The following ROBO2 variants were observed in gnomAD, a reference collection of about 807,000 sequenced individuals.
ROBO2 encodes roundabout guidance receptor 2.
Under a neutral mutation model 160.8 loss-of-function variants are expected in ROBO2, and 53 were observed. The observed-to-expected ratio is 0.33, with a 90% CI of 0.26 to 0.41. ROBO2 has a LOEUF of 0.41. ROBO2 is among the 10% of genes least tolerant of loss of function. The pLI is 1.00. For synonymous variants in ROBO2, 664 were observed against 611.7 expected (o/e 1.09, Z -1.26); for missense variants, 1,577 against 1,722.4 (o/e 0.92, Z 1.49).
intron 2 of ROBO2, among the ~76,000 whole-genome samples, chr3:76,115,591 G>A (rs1217819983): frequency 2.6e-5 from 4 of 151,856 alleles, no homozygotes; most frequent in Non-Finnish European, 4.4e-5. Context: ...TAGTCACATA[G>A]GTAAAGTATT....
At chr3:76,962,708 G>C (rs1312882755) in intron 2 of ROBO2, among the ~76,000 whole-genome samples, 4 of 151,348 alleles carry the variant, frequency 2.6e-5, no homozygotes, top group South Asian at 2.1e-4. Context: ...TCAGGAGACT[G>C]AGGCAGGAGG....
chr3:77,035,518 A>G (rs903304308), upstream of ROBO2, among the ~76,000 whole-genome samples: 1 of 151,688 alleles, frequency 6.6e-6, no homozygotes, highest in Admixed American at 6.6e-5. Flanking sequence ...TGCAGAGAAA[A>G]CTCTTTTAAA....
intron 2 of ROBO2, among the ~76,000 whole-genome samples, chr3:76,992,362 TATATATAA>T (rs2060724448): frequency 2.9e-5 from 2 of 68,786 alleles, no homozygotes; most frequent in Non-Finnish European, 5.5e-5. Flanking sequence ...TATATATATA[TATATATAA>T]ATTTAGCTTT....
intron 2 of ROBO2, among the ~76,000 whole-genome samples, chr3:76,015,602 T>A (rs1011330216): frequency 6.6e-6 from 1 of 152,174 alleles, no homozygotes; most frequent in African/African-American, 2.4e-5. Context: ...TATGTTCTGG[T>A]ATGGGAAGAA....
chr3:76,307,706 T>C (rs2071393689), intron 2 of ROBO2, among the ~76,000 whole-genome samples: 2 of 152,172 alleles, frequency 1.3e-5, no homozygotes, highest in South Asian at 4.1e-4. Context: ...AAACTGGGGC[T>C]GTGCAGGATT....
At chr3:76,373,215 G>T (rs2076187788) in intron 2 of ROBO2, among the ~76,000 whole-genome samples, 1 of 151,922 alleles carries the variant, frequency 6.6e-6, no homozygotes, top group Non-Finnish European at 1.5e-5. Flanking sequence ...CTGCATTATG[G>T]TTTTGAATAA....
At chr3:76,766,482 G>T (rs1398667657) in intron 2 of ROBO2, among the ~76,000 whole-genome samples, 3 of 151,666 alleles carry the variant, frequency 2.0e-5, no homozygotes, top group Admixed American at 2.0e-4. Context: ...GCAATGACTT[G>T]CTTGAGAAAT....
chr3:76,279,761 C>T (rs929056793), intron 2 of ROBO2, among the ~76,000 whole-genome samples: 4 of 151,868 alleles, frequency 2.6e-5, no homozygotes, highest in Admixed American at 6.6e-5. Flanking sequence ...AAAAACATAA[C>T]GTAACACATA....
intron 2 of ROBO2, among the ~76,000 whole-genome samples, chr3:76,598,993 C>T (rs970123543): frequency 3.3e-5 from 5 of 152,028 alleles, no homozygotes; most frequent in Non-Finnish European, 5.9e-5. Flanking sequence ...TCAAAGACAG[C>T]AAAAAGTAAC....
Position 76,520,897 on chromosome 3 carries a change from C to T in ROBO2, c.110-577117C>T, listed in dbSNP as rs555150478. The stretch of plus-strand genomic sequence containing the variant: ...TGTAACCTTTCATATCTGGACTGTA[C>T]GGTCTCTTAGATAGAGTGAGTTCCC... On this transcript the variant is annotated intron_variant, in intron 2 of 26. Coordinates refer to the ROBO2 transcript ENST00000487694. Among the ~76,000 whole-genome samples, 6 of 152,178 alleles carry T rather than the reference C, an allele frequency of 3.9e-5. No individual in the cohort carries two copies. In the South Asian group the frequency reaches 6.2e-4, roughly 16 times the overall value.
chr3:76,560,184 G>T (rs974599444), intron 2 of ROBO2, among the ~76,000 whole-genome samples: 1 of 151,986 alleles, frequency 6.6e-6, no homozygotes, highest in African/African-American at 2.4e-5. Flanking sequence ...TATGCCAGTT[G>T]ATCACAAAGC....
intron 2 of ROBO2, among the ~76,000 whole-genome samples, chr3:77,201,516 C>T (rs940940488): frequency 1.3e-5 from 2 of 152,208 alleles, no homozygotes; most frequent in Non-Finnish European, 2.9e-5. Flanking sequence ...GCCGCTGAAC[C>T]TTTGAAGACC....
chr3:76,449,815 C>T (rs990135214), intron 2 of ROBO2, among the ~76,000 whole-genome samples: 9 of 152,074 alleles, frequency 5.9e-5, no homozygotes, highest in East Asian at 1.9e-4. Flanking sequence ...AAAGGAATCA[C>T]GAATAAACAT....
chr3:77,538,904 A>T (rs1312418905), intron 6 of ROBO2: 2 of 480,386 alleles, frequency 4.2e-6, no homozygotes, highest in Non-Finnish European at 4.2e-6. Context: ...ATTTTTGCAG[A>T]AACTTTTTAA....
chr3:77,173,665 T>G (rs2150764459), intron 2 of ROBO2, among the ~76,000 whole-genome samples: 1 of 152,284 alleles, frequency 6.6e-6, no homozygotes, highest in South Asian at 2.1e-4. Context: ...TTGTATAAAT[T>G]TATTCTAAGG....
At chr3:76,426,409 T>G (rs2076222058) in intron 2 of ROBO2, among the ~76,000 whole-genome samples, 1 of 152,066 alleles carries the variant, frequency 6.6e-6, no homozygotes, top group Non-Finnish European at 1.5e-5. Flanking sequence ...TGGAACTCTG[T>G]GGAAATATGG....
intron 2 of ROBO2, among the ~76,000 whole-genome samples, chr3:76,938,736 G>A (rs932382895): frequency 2.0e-5 from 3 of 152,080 alleles, no homozygotes; most frequent in East Asian, 1.9e-4. Flanking sequence ...TTGGGAGGCC[G>A]AGGCGGGTGG....
chr3:77,382,370 C>CT (rs1162569879), intron 2 of ROBO2, among the ~76,000 whole-genome samples: 1 of 112,962 alleles, frequency 8.9e-6, no homozygotes, highest in Non-Finnish European at 1.9e-5. Flanking sequence ...TTTAAAAAGT[C>CT]TTTTTTTAGG....
chr3:77,041,582 G>A (rs947263585), intron 1 of ROBO2, among the ~76,000 whole-genome samples: 2 of 152,096 alleles, frequency 1.3e-5, no homozygotes, highest in Non-Finnish European at 2.9e-5. Flanking sequence ...CTTTTGTTCC[G>A]ATTTGGTTTA....
Sources: gnomAD v4.1 joint callset for allele counts (sites outside exome capture counted in the v4.1 genomes callset) on GRCh38, gnomAD v4.1.1 for gene constraint, MANE v1.5 for transcripts, NCBI Gene and HGNC (gene_info 2026-07-23, HGNC 2026-07-21) for gene names.